Variants in ZFHX3 observed in about 807,000 individuals in gnomAD.
ZFHX3 encodes zinc finger homeobox 3.
Under a neutral mutation model 279.1 loss-of-function variants are expected in ZFHX3, and 42 were observed. The ratio of observed to expected loss-of-function variants is 0.15; its 90% CI spans 0.12 to 0.19. The LOEUF is 0.19. Among genes scored for constraint, ZFHX3 ranks in the 10% least tolerant of loss-of-function variants. The pLI, the probability that ZFHX3 is intolerant of heterozygous loss-of-function variation, is 1.00. For missense variants in ZFHX3, 4,981 were observed against 4,754.0 expected (o/e 1.05, Z -1.40); for synonymous variants, 2,293 against 1,957.8 (o/e 1.17, Z -4.52).
intron 2 of ZFHX3, among the ~76,000 whole-genome samples, chr16:73,551,365 GCTAA>G (rs1385884884): frequency 6.6e-6 from 1 of 152,096 alleles, no homozygotes; most frequent in African/African-American, 2.4e-5. Flanking sequence ...GTACAAATGA[GCTAA>G]CTAATATGAC....
chr16:73,537,748 C>A (rs961964549), intron 2 of ZFHX3, among the ~76,000 whole-genome samples: 2 of 152,192 alleles, frequency 1.3e-5, no homozygotes, highest in African/African-American at 4.8e-5. Context: ...TTCAGGAGTC[C>A]CATGAAAAGA....
chr16:72,982,085 G>A (rs1443421292), intron 1 of ZFHX3, among the ~76,000 whole-genome samples: 1 of 151,980 alleles, frequency 6.6e-6, no homozygotes, highest in Non-Finnish European at 1.5e-5. Context: ...GTTTCACCAT[G>A]TTGGCCAGGC....
At chr16:73,371,589 A>G (rs969591014) in intron 3 of ZFHX3, among the ~76,000 whole-genome samples, 23 of 151,932 alleles carry the variant, frequency 1.5e-4, no homozygotes, top group African/African-American at 4.8e-4. Context: ...TCCATCCACC[A>G]AAAGGAACTG....
At chr16:73,843,324 C>T (rs762815440) in intron 1 of ZFHX3, among the ~76,000 whole-genome samples, 38 of 152,168 alleles carry the variant, frequency 2.5e-4, no homozygotes, top group Non-Finnish European at 4.7e-4. Context: ...CCAAGTTGCT[C>T]TGTTTTAAAA....
chr16:73,604,577 C>T (rs1055592103), intron 2 of ZFHX3, among the ~76,000 whole-genome samples: 2 of 151,964 alleles, frequency 1.3e-5, no homozygotes, highest in Non-Finnish European at 2.9e-5. Context: ...AACCTAGTCT[C>T]TACTAAAAAT....
At chr16:73,419,750 G>T (rs1567478674) in intron 3 of ZFHX3, among the ~76,000 whole-genome samples, 1 of 151,846 alleles carries the variant, frequency 6.6e-6, no homozygotes, top group Non-Finnish European at 1.5e-5. Flanking sequence ...GCCCAGCTTT[G>T]GCTATGTGAT....
intron 1 of ZFHX3, among the ~76,000 whole-genome samples, chr16:73,704,943 C>G (rs992842502): frequency 6.6e-6 from 1 of 152,118 alleles, no homozygotes; most frequent in African/African-American, 2.4e-5. Context: ...CAAGGGAGCC[C>G]TGATTTGTAG....
chr16:72,789,093 G>C (rs1172284826), intron 9 of ZFHX3: 2 of 423,186 alleles, frequency 4.7e-6, no homozygotes, highest in African/African-American at 4.1e-5. Flanking sequence ...ACTTCCAGAA[G>C]TATCCCACCA....
chr16:72,861,869 G>T (rs992372945), intron 4 of ZFHX3, among the ~76,000 whole-genome samples: 4 of 152,058 alleles, frequency 2.6e-5, no homozygotes, highest in African/African-American at 7.2e-5. Flanking sequence ...ACAAAAATTA[G>T]CCGGGTGTGG....
chr16:73,450,986 C>T (rs2018273637), intron 3 of ZFHX3, among the ~76,000 whole-genome samples: 1 of 152,178 alleles, frequency 6.6e-6, no homozygotes, highest in Non-Finnish European at 1.5e-5. Flanking sequence ...ACTCTACTTT[C>T]AACTAATGGG....
chr16:73,071,408 C>CGGAG (rs930458196), intron 8 of ZFHX3, among the ~76,000 whole-genome samples: 9 of 142,326 alleles, frequency 6.3e-5, no homozygotes, highest in African/African-American at 1.5e-4. Context: ...TGGCCTTGAG[C>CGGAG]GGAGGGAGGG....
At chr16:73,704,676 G>A (rs1417936946) in intron 1 of ZFHX3, among the ~76,000 whole-genome samples, 2 of 152,326 alleles carry the variant, frequency 1.3e-5, no homozygotes, top group South Asian at 2.1e-4. Context: ...TTAATTGTAA[G>A]TAGTTTATTT....
At chr16:73,661,966 T>TC (rs2052789607) in intron 2 of ZFHX3, among the ~76,000 whole-genome samples, 1 of 146,944 alleles carries the variant, frequency 6.8e-6, no homozygotes, top group East Asian at 2.0e-4. Context: ...GTCATTCTTT[T>TC]TTTTTTGTTT....
At chr16:73,644,165 C>A (rs12149694) in intron 2 of ZFHX3, among the ~76,000 whole-genome samples, 2 of 151,916 alleles carry the variant, frequency 1.3e-5, no homozygotes, top group Admixed American at 6.6e-5. Context: ...CCTTTCTCTC[C>A]GGTTTATACC....
chr16:72,858,788 C>T (rs535352351), intron 4 of ZFHX3, among the ~76,000 whole-genome samples: 8 of 152,360 alleles, frequency 5.3e-5, no homozygotes, highest in East Asian at 3.9e-4. Context: ...CACGAGCTGC[C>T]GCAACCTGGG....
chr16:73,201,213 G>A (rs948077978), intron 5 of ZFHX3, among the ~76,000 whole-genome samples: 1 of 152,162 alleles, frequency 6.6e-6, no homozygotes, highest in Non-Finnish European at 1.5e-5. Flanking sequence ...CTGTCCCCTT[G>A]GGGTATTTAT....
At chr16:73,328,424 T>C (rs1215891452) in intron 3 of ZFHX3, among the ~76,000 whole-genome samples, 1 of 152,264 alleles carries the variant, frequency 6.6e-6, no homozygotes, top group Non-Finnish European at 1.5e-5. Flanking sequence ...GCCATCATTT[T>C]TGAGAGTCTA....
At chr16:73,271,232 G>C (rs930024198) in intron 4 of ZFHX3, among the ~76,000 whole-genome samples, 1 of 152,160 alleles carries the variant, frequency 6.6e-6, no homozygotes, top group Non-Finnish European at 1.5e-5. Flanking sequence ...TCATGTGTGA[G>C]CCCTTGTCAT....
At chr16:73,100,805 C>T (rs113430641) in intron 7 of ZFHX3, among the ~76,000 whole-genome samples, 4 of 152,248 alleles carry the variant, frequency 2.6e-5, no homozygotes, top group African/African-American at 9.6e-5. Flanking sequence ...CTATGTTGGC[C>T]AGGCTGGTCT....
Sources: allele counts gnomAD v4.1 joint callset (sites outside exome capture counted in the v4.1 genomes callset), GRCh38; gene constraint gnomAD v4.1.1; transcripts MANE v1.5; gene names NCBI Gene and HGNC (gene_info 2026-07-23, HGNC 2026-07-21).